The following PCDH15 variants were observed in gnomAD, a reference collection of about 807,000 sequenced individuals.
PCDH15 encodes the protein protocadherin related 15, also known as protocadherin-15.
A neutral mutation model predicts 178.5 loss-of-function variants in PCDH15; 129 were observed. The ratio of observed to expected loss-of-function variants is 0.72; its 90% confidence interval spans 0.63 to 0.84. The LOEUF is 0.84. Ranked by LOEUF, PCDH15 falls within the 40% of genes least tolerant of loss-of-function variation. The pLI, the probability that PCDH15 is intolerant of heterozygous loss-of-function variation, is 0.00. For synonymous variants in PCDH15, 800 were observed against 732.0 expected (o/e 1.09, Z -1.50); for missense variants, 2,230 against 2,099.9 (o/e 1.06, Z -1.21).
upstream of PCDH15, among the ~76,000 whole-genome samples, chr10:55,321,351 G>A (rs2132299928): frequency 6.6e-6 from 1 of 152,194 alleles, no homozygotes; most frequent in Middle Eastern, 3.4e-3. Context: ...ATTATATAAA[G>A]AGACCAAGTC....
At chr10:55,209,496 G>A (rs1280042274) in intron 1 of PCDH15, among the ~76,000 whole-genome samples, 1 of 152,022 alleles carries the variant, frequency 6.6e-6, no homozygotes, top group Admixed American at 6.6e-5. Flanking sequence ...TGAAGGTGAT[G>A]GATGAGGACG....
intron 37 of PCDH15, 95 bp from the exon 38 acceptor site, chr10:53,807,225 A>G (rs1841243370): frequency 9.8e-7 from 1 of 1,021,708 alleles, no homozygotes; most frequent in East Asian, 2.6e-5. Context: ...TGACATTTAG[A>G]AAGCTGTCAA....
intron 21 of PCDH15, among the ~76,000 whole-genome samples, chr10:53,974,698 A>G (rs1376434762): frequency 6.6e-6 from 1 of 152,010 alleles, no homozygotes; most frequent in Non-Finnish European, 1.5e-5. Flanking sequence ...TCATTCTTCT[A>G]TTTAGCTGAT....
chr10:54,141,949 G>A (rs756380360), intron 14 of PCDH15, among the ~76,000 whole-genome samples: 1 of 152,084 alleles, frequency 6.6e-6, no homozygotes, highest in Non-Finnish European at 1.5e-5. Context: ...GTATTTAAGT[G>A]AAATGAGATT....
intron 21 of PCDH15, among the ~76,000 whole-genome samples, chr10:53,988,735 G>T (rs2091274247): frequency 6.6e-6 from 1 of 152,220 alleles, no homozygotes; most frequent in African/African-American, 2.4e-5. Flanking sequence ...CAGTCCCAGA[G>T]AAAGTCTATT....
intron 2 of PCDH15, among the ~76,000 whole-genome samples, chr10:55,544,856 A>G (rs184454950): frequency 1.2e-4 from 19 of 152,290 alleles, no homozygotes; most frequent in African/African-American, 2.6e-4. Context: ...CTTTACACGT[A>G]AAGGTAAAGG....
At chr10:54,006,014 A>T (rs1349846264) in intron 20 of PCDH15, among the ~76,000 whole-genome samples, 1 of 152,138 alleles carries the variant, frequency 6.6e-6, no homozygotes, top group Non-Finnish European at 1.5e-5. Flanking sequence ...CAACGACATA[A>T]TCAATGAAGG....
intron 10 of PCDH15, among the ~76,000 whole-genome samples, chr10:54,199,564 C>CAATAATAATAATAATAATAAT (rs1376777913): frequency 1.0e-4 from 8 of 79,270 alleles, no homozygotes; most frequent in African/African-American, 2.8e-4. Flanking sequence ...TAAACAACAA[C>CAATAATAATAATAATAATAAT]AACAACAATA....
rs560847745 is a variant in PCDH15, at chr10:55,160,782, A to T, written c.-80+5794T>A. On this transcript the variant is annotated intron_variant, in intron 2 of 5. Coordinates refer to the PCDH15 transcript ENST00000458638. ...TATTTATGCTCTTCCATCTAGCAGC[A>T]ATACTTTCTCATAATTTTCTCCTCT... Among the ~76,000 whole-genome samples, 3 of 152,208 alleles carry T rather than the reference A, an allele frequency of 2.0e-5. No homozygotes were observed. The South Asian group carries it at 6.2e-4, about 32-fold the overall frequency.
At chr10:55,095,465 A>G (rs1015043019) in intron 2 of PCDH15, among the ~76,000 whole-genome samples, 1 of 151,816 alleles carries the variant, frequency 6.6e-6, no homozygotes, top group Admixed American at 6.6e-5. Flanking sequence ...TGTTACTTGG[A>G]TTTTCTCTCA....
At chr10:54,711,047 A>G (rs1226290675) in intron 1 of PCDH15, among the ~76,000 whole-genome samples, 1 of 152,000 alleles carries the variant, frequency 6.6e-6, no homozygotes, top group Non-Finnish European at 1.5e-5. Flanking sequence ...CACTCTATTT[A>G]GCAATGTTTT....
chr10:55,303,088 T>G lies in PCDH15; in HGVS notation c.-156+16511A>C, dbSNP rs748150432. ...GATAAGAAAACAAAGATATTTGAGA[T>G]ATATATATATATATATACACACACA... On this transcript the variant is annotated intron_variant, in intron 1 of 5. Transcript: ENST00000458638. 9.7e-4 allele frequency among the ~76,000 whole-genome samples: 22 copies of G among 22,572 alleles called. No homozygotes were observed. In the South Asian group the frequency reaches 0.011, roughly 11 times the overall value. The allele number at this position is 22,572 out of a possible 152,430, so 14.8% of individuals were successfully genotyped here.
chr10:55,226,331 T>C (rs1170202039), intron 1 of PCDH15, among the ~76,000 whole-genome samples: 1 of 152,086 alleles, frequency 6.6e-6, no homozygotes, highest in Non-Finnish European at 1.5e-5. Context: ...AGATGAATAC[T>C]AACAAAACAG....
At chr10:54,961,014 A>G (rs535215641) in intron 2 of PCDH15, among the ~76,000 whole-genome samples, 3 of 152,370 alleles carry the variant, frequency 2.0e-5, no homozygotes, top group South Asian at 4.1e-4. Flanking sequence ...TGCAAAGGCA[A>G]TAACAATAAG....
At position 53,970,683 on chromosome 10, in the gene PCDH15, G is replaced by A. The variant is rs879823714; in HGVS notation, c.2869-8791C>T. The stretch of plus-strand genomic sequence containing the variant: ...CACCTCTATGCAAATAAGCTAGAAA[G>A]TCTAGAAGAAATGGATGAATTCCTG... On this transcript the variant is annotated intron_variant, in intron 21 of 37. Transcript: ENST00000644397. 1.8e-3 allele frequency among the ~76,000 whole-genome samples: 276 copies of A among 152,044 alleles called. 4 individuals are homozygous for A. Among genetic ancestry groups the A allele is most frequent in the Non-Finnish European group, 2.7e-3 (183 of 67,922 alleles).
intron 1 of PCDH15, among the ~76,000 whole-genome samples, chr10:54,676,230 T>G (rs1346031091): frequency 6.6e-6 from 1 of 151,948 alleles, no homozygotes; most frequent in Non-Finnish European, 1.5e-5. Context: ...ACTTGGAAAA[T>G]AAGAACCAAA....
At chr10:54,499,441 A>G (rs187470880) in intron 3 of PCDH15, among the ~76,000 whole-genome samples, 9 of 152,242 alleles carry the variant, frequency 5.9e-5, no homozygotes, top group Middle Eastern at 3.4e-3. Context: ...TTCTCAACAA[A>G]TTCAAAAAAA....
chr10:54,136,239 A>G (rs1374970237), intron 14 of PCDH15, among the ~76,000 whole-genome samples: 2 of 152,166 alleles, frequency 1.3e-5, no homozygotes, highest in Non-Finnish European at 2.9e-5. Context: ...AGTTCTACTT[A>G]TAGAAACTAG....
chr10:55,578,355 T>C (rs1842536419), intron 2 of PCDH15, among the ~76,000 whole-genome samples: 1 of 151,982 alleles, frequency 6.6e-6, no homozygotes, highest in South Asian at 2.1e-4. Flanking sequence ...GTAGCTGGGA[T>C]TACAGGCGCC....
Sources: allele counts gnomAD v4.1 joint callset (sites outside exome capture counted in the v4.1 genomes callset), GRCh38; gene constraint gnomAD v4.1.1; transcripts MANE v1.5; gene names NCBI Gene and HGNC (gene_info 2026-07-23, HGNC 2026-07-21).